The following TRIM23 variants were observed in gnomAD, a reference collection of about 807,000 sequenced individuals.
TRIM23 encodes E3 ubiquitin-protein ligase TRIM23.
Under a neutral mutation model 71.0 loss-of-function variants are expected in TRIM23, and 27 were observed. That is an observed-to-expected ratio of 0.38 (90% CI 0.28 to 0.52). The LOEUF is 0.52. TRIM23 is among the 20% of genes least tolerant of loss of function. The pLI, the probability that TRIM23 is intolerant of heterozygous loss-of-function variation, is 0.84. For synonymous variants in TRIM23, 234 were observed against 238.0 expected (o/e 0.98, Z 0.16); for missense variants, 482 against 692.3 (o/e 0.70, Z 3.41).
chr5:65,616,641 TAAAAAAAAAAA>T (rs746034795), intron 2 of TRIM23, among the ~76,000 whole-genome samples: 1,870 of 126,304 alleles, frequency 0.015, 22 homozygotes, highest in South Asian at 0.022. Context: ...CACTCTGCTT[TAAAAAAAAAAA>T]AAAAAAAAAA....
At chr5:65,616,641 TAAAA>T (rs746034795) in intron 2 of TRIM23, among the ~76,000 whole-genome samples, 9 of 126,278 alleles carry the variant, frequency 7.1e-5, no homozygotes, top group Admixed American at 8.2e-5. Flanking sequence ...CACTCTGCTT[TAAAA>T]AAAAAAAAAA....
At chr5:65,601,484 T>C (rs573776220) in intron 7 of TRIM23, among the ~76,000 whole-genome samples, 2 of 152,012 alleles carry the variant, frequency 1.3e-5, no homozygotes, top group East Asian at 3.9e-4. Flanking sequence ...GATAAACCCA[T>C]CAGATCTCGT....
At chr5:65,596,305 A>G in intron 9 of TRIM23, 116 bp downstream of exon 9, 2 of 702,812 alleles carry the variant, frequency 2.8e-6, no homozygotes, top group Non-Finnish European at 2.5e-6. Context: ...GGCCACAGGT[A>G]CTTAAGTATA....
At chr5:65,611,914 A>G (rs1056470052) in intron 3 of TRIM23, 33 bp from the exon 4 acceptor site, 3 of 1,593,858 alleles carry the variant, frequency 1.9e-6, no homozygotes, top group Admixed American at 3.4e-5. Context: ...CTTAAAATTG[A>G]ACCCAATCAG....
At position 65,597,184 on chromosome 5, in the gene TRIM23, CA is replaced by C. The variant is rs1418467509; in HGVS notation, c.1180-5del. The stretch of plus-strand genomic sequence containing the variant: ...GTCCAATGTGAACTCGATTATCCTA[CA>C]ATTTAAATATTTTTAAATATGTTTG... On this transcript the variant is annotated splice_polypyrimidine_tract_variant and splice_region_variant and intron_variant, in intron 7 of 10. Transcript: ENST00000231524. 1 of 1,613,412 alleles carries C rather than the reference CA, an allele frequency of 6.2e-7. No homozygotes were observed. Among genetic ancestry groups the C allele is most frequent in the Non-Finnish European group, 8.5e-7 (1 of 1,179,722 alleles).
At chr5:65,596,874 C>G (rs1754222958) in intron 8 of TRIM23, among the ~76,000 whole-genome samples, 177 bp downstream of exon 8, 1 of 152,024 alleles carries the variant, frequency 6.6e-6, no homozygotes, top group Non-Finnish European at 1.5e-5. Context: ...TCTTTTTATC[C>G]CCATCCACAT....
intron 7 of TRIM23, 166 bp downstream of exon 7, chr5:65,604,745 G>A: frequency 1.9e-6 from 1 of 519,912 alleles, no homozygotes; most frequent in Non-Finnish European, 3.1e-6. Context: ...TAGTATATGT[G>A]CTGCCGAAGT....
intron 1 of TRIM23, among the ~76,000 whole-genome samples, chr5:65,620,328 T>C (rs1323899097): frequency 6.6e-6 from 1 of 152,142 alleles, no homozygotes; most frequent in Non-Finnish European, 1.5e-5. Context: ...ACAAGCATAC[T>C]AGACACGTGT....
intron 2 of TRIM23, among the ~76,000 whole-genome samples, chr5:65,615,708 T>C (rs576268138): frequency 7.2e-4 from 110 of 152,238 alleles, no homozygotes; most frequent in Non-Finnish European, 1.4e-3. Flanking sequence ...TTTAAAAATA[T>C]AGTCTTGACA....
chr5:65,609,508 T>C (rs1377000130), intron 5 of TRIM23, 50 bp from the exon 6 acceptor site: 1 of 1,538,656 alleles, frequency 6.5e-7, no homozygotes, highest in Non-Finnish European at 8.8e-7. Context: ...AATAAAGATT[T>C]TACCTGTGAA....
chr5:65,623,152 A>G lies in TRIM23; in HGVS notation c.81+1042T>C, dbSNP rs73763170. Among the ~76,000 whole-genome samples the G allele has an allele frequency of 6.0e-3, 919 of 152,330 alleles. 9 individuals are homozygous for G. The highest frequency in any genetic ancestry group is 0.02 in the African/African-American group (838 of 41,590). On this transcript the variant is annotated intron_variant, in intron 1 of 10. Coordinates refer to ENST00000231524, the MANE Select transcript of TRIM23 (RefSeq NM_001656.4). Reference sequence around the variant, plus strand: ...GTCTCATTTGCTGTCATATAAAACCAACATTACCTGAATAATCATAGGTGT... The same window carrying G: ...GTCTCATTTGCTGTCATATAAAACCGACATTACCTGAATAATCATAGGTGT...
At chr5:65,593,805 C>G (rs891115837) in intron 10 of TRIM23, among the ~76,000 whole-genome samples, 6 of 152,184 alleles carry the variant, frequency 3.9e-5, no homozygotes, top group Non-Finnish European at 8.8e-5. Flanking sequence ...TCCTCTAATT[C>G]AGGCTCTTGT....
intron 3 of TRIM23, among the ~76,000 whole-genome samples, chr5:65,612,432 A>G (rs188818616): frequency 6.6e-6 from 1 of 152,262 alleles, no homozygotes; most frequent in East Asian, 1.9e-4. Context: ...AGACTTGTAT[A>G]TATTTTTCTA....
intron 7 of TRIM23, among the ~76,000 whole-genome samples, chr5:65,602,940 A>G (rs1370689598): frequency 6.6e-6 from 1 of 152,214 alleles, no homozygotes; most frequent in Non-Finnish European, 1.5e-5. Context: ...GTGGGGACAC[A>G]GCCAAACCAT....
In TRIM23 at chr5:65,594,661, T is replaced by A. The variant is rs569389975; in HGVS notation, c.1421-16A>T. On this transcript the variant is annotated splice_polypyrimidine_tract_variant and intron_variant, in intron 9 of 10. Coordinates refer to ENST00000231524, the MANE Select transcript of TRIM23 (RefSeq NM_001656.4). ...AACACAACAGCTACCCAAAAAAAAA[T>A]AAAAAAAACAAAAATAGTCACTTGC... 32 of 1,522,484 alleles carry A rather than the reference T, an allele frequency of 2.1e-5. No homozygotes were observed. The East Asian group carries it at 5.2e-4, about 25-fold the overall frequency. 94.3% of individuals were successfully genotyped at this position (1,522,484 alleles called of 1,614,324 possible).
chr5:65,615,766 C>A (rs1754762434), intron 2 of TRIM23, among the ~76,000 whole-genome samples: 1 of 152,210 alleles, frequency 6.6e-6, no homozygotes, highest in African/African-American at 2.4e-5. Flanking sequence ...ACAAATAAAC[C>A]TCTAGCATTA....
At chr5:65,598,593 T>C (rs1754272743) in intron 7 of TRIM23, among the ~76,000 whole-genome samples, 2 of 151,916 alleles carry the variant, frequency 1.3e-5, no homozygotes. Context: ...CTACTAAAAA[T>C]ACAAAATTAC....
At chr5:65,624,085 G>A in intron 1 of TRIM23, 109 bp downstream of exon 1, 1 of 1,316,366 alleles carries the variant, frequency 7.6e-7, no homozygotes, top group South Asian at 1.2e-5. Flanking sequence ...GGGGCCCAGA[G>A]GCCGCGCATC....
chr5:65,598,111 A>G (rs548518555), intron 7 of TRIM23, among the ~76,000 whole-genome samples: 1 of 152,170 alleles, frequency 6.6e-6, no homozygotes, highest in South Asian at 2.1e-4. Flanking sequence ...AAATGTTGGT[A>G]TTCTTGAGGG....
Sources: allele counts gnomAD v4.1 joint callset (sites outside exome capture counted in the v4.1 genomes callset), GRCh38; gene constraint gnomAD v4.1.1; transcripts MANE v1.5; gene names NCBI Gene and HGNC (gene_info 2026-07-23, HGNC 2026-07-21).